Variants in TENM3 observed in about 807,000 individuals in gnomAD.
The protein encoded by TENM3 is teneurin transmembrane protein 3.
TENM3 carries 63 observed loss-of-function variants against 255.1 expected under a neutral mutation model. The observed-to-expected ratio is 0.25, with a 90% confidence interval of 0.20 to 0.30. The LOEUF (loss-of-function observed/expected upper bound fraction) is 0.30. Among genes scored for constraint, TENM3 ranks in the 10% least tolerant of loss-of-function variants. The pLI, the probability that TENM3 is intolerant of heterozygous loss-of-function variation, is 1.00. For synonymous variants in TENM3, 1,306 were observed against 1,322.3 expected, an observed-to-expected ratio of 0.99 and a Z score of 0.27; for missense variants, 2,929 against 3,461.1, an observed-to-expected ratio of 0.85 and a Z score of 3.86.
chr4:182,556,006 G>A (rs1421621017), intron 3 of TENM3, among the ~76,000 whole-genome samples: 4 of 151,672 alleles, frequency 2.6e-5, no homozygotes, highest in African/African-American at 9.7e-5. Context: ...TTTTTTTGTT[G>A]TTTAGTCTCT....
At chr4:181,481,792 G>A in the TENM3 span, among the ~76,000 whole-genome samples, 40 of 152,204 alleles carry the variant, frequency 2.6e-4, no homozygotes, top group Admixed American at 1.4e-3. Flanking sequence ...GGAGAGATAC[G>A]TATTCTATGT....
At chr4:181,517,784 A>G in the TENM3 span, among the ~76,000 whole-genome samples, 1 of 152,222 alleles carries the variant, frequency 6.6e-6, no homozygotes, top group African/African-American at 2.4e-5. Flanking sequence ...GTGATAATAG[A>G]AGAATTCTCT....
chr4:182,345,569 C>T (rs1472686744), intron 2 of TENM3, among the ~76,000 whole-genome samples: 1 of 152,172 alleles, frequency 6.6e-6, no homozygotes, highest in African/African-American at 2.4e-5. Flanking sequence ...CTAAATCTCA[C>T]ACTCTACCAT....
chr4:181,791,004 A>G, the TENM3 span, among the ~76,000 whole-genome samples: 2 of 152,178 alleles, frequency 1.3e-5, no homozygotes, highest in Non-Finnish European at 2.9e-5. Flanking sequence ...AAAGATGATT[A>G]CGGGCCATAT....
At chr4:182,323,868 C>G in intron 1 of TENM3, 78 bp from the exon 2 acceptor site, 1 of 623,122 alleles carries the variant, frequency 1.6e-6, no homozygotes, top group Non-Finnish European at 2.8e-6. Context: ...CCTACCATCC[C>G]AGATTGAGAA....
chr4:182,288,172 G>A (rs983063885), intron 1 of TENM3, among the ~76,000 whole-genome samples: 16 of 152,064 alleles, frequency 1.1e-4, no homozygotes, highest in Non-Finnish European at 2.2e-4. Flanking sequence ...CCGACCTCAG[G>A]TGATCCACCC....
intron 13 of TENM3, among the ~76,000 whole-genome samples, chr4:182,718,209 A>C (rs1170293531): frequency 6.6e-6 from 1 of 152,160 alleles, no homozygotes. Context: ...TATAACTGAA[A>C]AATTCAGATA....
the TENM3 span, among the ~76,000 whole-genome samples, chr4:181,526,626 T>C: frequency 6.6e-6 from 1 of 152,042 alleles, no homozygotes; most frequent in Admixed American, 6.5e-5. Flanking sequence ...CTCTTAACAA[T>C]GTTTTGAGAT....
intron 3 of TENM3, among the ~76,000 whole-genome samples, chr4:182,555,444 A>G (rs888360376): frequency 5.9e-5 from 9 of 152,186 alleles, no homozygotes; most frequent in African/African-American, 2.2e-4. Flanking sequence ...GATGCTTTAA[A>G]ATTTTTTTTC....
chr4:181,527,072 G>GCGAC, the TENM3 span, among the ~76,000 whole-genome samples: 19,892 of 152,036 alleles, frequency 0.13, 1,381 homozygotes, highest in East Asian at 0.2. Flanking sequence ...GGCCCCCTGT[G>GCGAC]CGACCAGTCA....
the TENM3 span, among the ~76,000 whole-genome samples, chr4:181,581,143 G>GA: frequency 1.3e-5 from 2 of 151,836 alleles, no homozygotes; most frequent in South Asian, 4.2e-4. Context: ...ATCAGTGAGG[G>GA]GAAAAAAAAC....
chr4:181,824,635 G>A, the TENM3 span, among the ~76,000 whole-genome samples: 1 of 152,052 alleles, frequency 6.6e-6, no homozygotes, highest in African/African-American at 2.4e-5. Context: ...AACAACATGA[G>A]TTGCTGATCA....
chr4:182,341,921 T>C (rs1211308045), intron 2 of TENM3, among the ~76,000 whole-genome samples: 3 of 152,198 alleles, frequency 2.0e-5, no homozygotes. Flanking sequence ...ACCTATATTT[T>C]AAGCCCTCAT....
At chr4:182,364,059 A>G (rs1426508011) in intron 3 of TENM3, among the ~76,000 whole-genome samples, 1 of 152,022 alleles carries the variant, frequency 6.6e-6, no homozygotes, top group East Asian at 1.9e-4. Flanking sequence ...ATTTAAATGA[A>G]CCCATTTAAA....
intron 3 of TENM3, among the ~76,000 whole-genome samples, chr4:182,506,103 A>T (rs1736789884): frequency 6.6e-6 from 1 of 152,186 alleles, no homozygotes; most frequent in Admixed American, 6.5e-5. Flanking sequence ...GCTCAGCAAG[A>T]CGGAGTCAAG....
chr4:181,709,780 T>C, the TENM3 span, among the ~76,000 whole-genome samples: 2 of 152,102 alleles, frequency 1.3e-5, no homozygotes, highest in South Asian at 2.1e-4. Flanking sequence ...AGGTGGAAAG[T>C]GGTTAGATTC....
chr4:182,676,760 A>C (rs1001198537), intron 7 of TENM3, among the ~76,000 whole-genome samples: 3 of 152,238 alleles, frequency 2.0e-5, no homozygotes, highest in African/African-American at 7.2e-5. Flanking sequence ...TTATTAATAC[A>C]TTGTAGTTTA....
intron 1 of TENM3, among the ~76,000 whole-genome samples, chr4:182,213,459 G>A (rs1755190890): frequency 6.6e-6 from 1 of 152,136 alleles, no homozygotes; most frequent in African/African-American, 2.4e-5. Context: ...ACCCCAAAAG[G>A]TGTAAAGAAA....
intron 2 of TENM3, among the ~76,000 whole-genome samples, chr4:182,340,329 C>T (rs1764409553): frequency 6.6e-6 from 1 of 152,136 alleles, no homozygotes; most frequent in Non-Finnish European, 1.5e-5. Flanking sequence ...TGTTGTGAGT[C>T]ATCAATTAGA....
Sources: allele counts gnomAD v4.1 joint callset (sites outside exome capture counted in the v4.1 genomes callset), GRCh38; gene constraint gnomAD v4.1.1; transcripts MANE v1.5; gene names NCBI Gene and HGNC (gene_info 2026-07-23, HGNC 2026-07-21).